Variants in BRINP1 observed in about 807,000 individuals in gnomAD.
BRINP1 encodes the protein BMP/retinoic acid-inducible neural-specific protein 1.
A neutral mutation model predicts 72.9 loss-of-function variants in BRINP1; 17 were observed. The observed-to-expected ratio is 0.23, with a 90% CI of 0.16 to 0.35. BRINP1 has a LOEUF of 0.35. Ranked by LOEUF, BRINP1 falls within the 10% of genes least tolerant of loss-of-function variation. The pLI, the probability that BRINP1 is intolerant of heterozygous loss-of-function variation, is 1.00. For missense variants in BRINP1, 850 were observed against 1,001.6 expected (o/e 0.85, Z 2.04); for synonymous variants, 418 against 378.5 (o/e 1.10, Z -1.21).
intron 6 of BRINP1, 30 bp downstream of exon 6, chr9:119,213,889 C>A (rs1829952833): frequency 6.3e-7 from 1 of 1,576,598 alleles, no homozygotes; most frequent in Non-Finnish European, 8.7e-7. Flanking sequence ...CAAGGCCACT[C>A]ATGCAGTGGC....
chr9:119,295,530 C>T (rs1830866815), intron 2 of BRINP1, among the ~76,000 whole-genome samples: 2 of 152,144 alleles, frequency 1.3e-5, no homozygotes, highest in African/African-American at 4.8e-5. Context: ...TCAAATATAT[C>T]TGAACATAGA....
rs375384594 is a variant in BRINP1 at position 119,319,423 on chromosome 9, A to C, written c.-50-6018T>G. Among the ~76,000 whole-genome samples, 18 of 152,336 alleles carry C rather than the reference A, an allele frequency of 1.2e-4. No individual in the cohort carries two copies. In the East Asian group the frequency reaches 2.7e-3, roughly 23 times the overall value. On this transcript the variant is annotated intron_variant, in intron 1 of 7. Transcript: ENST00000265922. ...ACCAGAAATGAAAATGAAAGTTTCT[A>C]TAGAGTCCTTGACTTTATTAATGGA... is the stretch of plus-strand genomic sequence containing the variant.
intron 6 of BRINP1, among the ~76,000 whole-genome samples, chr9:119,211,666 G>C (rs1300755037): frequency 6.6e-6 from 1 of 152,166 alleles, no homozygotes; most frequent in Admixed American, 6.5e-5. Flanking sequence ...AAATCACCTG[G>C]GCTGAGTAGC....
intron 1 of BRINP1, among the ~76,000 whole-genome samples, chr9:119,315,716 T>G (rs183759302): frequency 1.9e-3 from 287 of 152,300 alleles, no homozygotes; most frequent in Non-Finnish European, 2.4e-3. Context: ...AAAAGTCCTT[T>G]AAGGAAATTA....
In BRINP1 at chr9:119,238,015, C is replaced by G. The variant is rs1199196142; in HGVS notation, c.685+640G>C. Among the ~76,000 whole-genome samples the G allele has an allele frequency of 2.0e-5, 3 of 152,066 alleles. No homozygotes were observed. The East Asian group carries it at 5.8e-4, about 29-fold the overall frequency. ...TCATGCCACCCATTCCATCAGAAACCTTTTATTTATTAACATTATATCACA... is the reference window on the plus strand; with the variant it reads ...TCATGCCACCCATTCCATCAGAAACGTTTTATTTATTAACATTATATCACA... On this transcript the variant is annotated intron_variant, in intron 5 of 7. Coordinates refer to ENST00000265922, the MANE Select transcript of BRINP1 (RefSeq NM_014618.3).
At chr9:119,260,801 T>C (rs1280516941) in intron 2 of BRINP1, among the ~76,000 whole-genome samples, 43 of 152,162 alleles carry the variant, frequency 2.8e-4, no homozygotes, top group Non-Finnish European at 1.2e-4. Context: ...TGATTTAGTA[T>C]ACTCAATGAT....
intron 7 of BRINP1, among the ~76,000 whole-genome samples, chr9:119,201,919 C>G (rs1829809098): frequency 6.6e-6 from 1 of 152,124 alleles, no homozygotes; most frequent in African/African-American, 2.4e-5. Context: ...CCTCTCTCTT[C>G]TTTTTTTCCT....
At chr9:119,179,737 A>T (rs1829532029) in intron 7 of BRINP1, among the ~76,000 whole-genome samples, 1 of 152,116 alleles carries the variant, frequency 6.6e-6, no homozygotes, top group Non-Finnish European at 1.5e-5. Context: ...AGCAGAGCAA[A>T]GTTCAGAATT....
chr9:119,317,574 T>C (rs1339864808), intron 1 of BRINP1, among the ~76,000 whole-genome samples: 1 of 152,214 alleles, frequency 6.6e-6, no homozygotes, highest in Non-Finnish European at 1.5e-5. Context: ...ACTTAGTTGA[T>C]AAAACAGTGG....
At chr9:119,275,913 G>T (rs1830652815) in intron 2 of BRINP1, among the ~76,000 whole-genome samples, 1 of 152,060 alleles carries the variant, frequency 6.6e-6, no homozygotes. Flanking sequence ...TCCTCCCTCT[G>T]TCCTCCCCAT....
intron 2 of BRINP1, among the ~76,000 whole-genome samples, chr9:119,260,844 A>T (rs954112251): frequency 1.3e-5 from 2 of 152,202 alleles, no homozygotes; most frequent in African/African-American, 4.8e-5. Context: ...GGTCGTCTAA[A>T]GTATTCTTAG....
chr9:119,299,273 T>C (rs1385935569), intron 2 of BRINP1, among the ~76,000 whole-genome samples: 2 of 152,222 alleles, frequency 1.3e-5, no homozygotes, highest in Non-Finnish European at 2.9e-5. Context: ...ACCGCCATTC[T>C]ACTCTTTGCT....
chr9:119,227,991 T>C (rs916303218), intron 5 of BRINP1, among the ~76,000 whole-genome samples: 5 of 152,032 alleles, frequency 3.3e-5, no homozygotes, highest in Non-Finnish European at 7.4e-5. Flanking sequence ...ACACTTTCTT[T>C]TTCTACTATT....
At chr9:119,312,244 C>T (rs937830504) in intron 2 of BRINP1, among the ~76,000 whole-genome samples, 2 of 152,354 alleles carry the variant, frequency 1.3e-5, no homozygotes, top group Admixed American at 6.5e-5. Context: ...CACCTAACTA[C>T]ACCTGAGAGA....
At chr9:119,238,622 C>T in intron 5 of BRINP1, 33 bp downstream of exon 5, 5 of 1,396,452 alleles carry the variant, frequency 3.6e-6, no homozygotes, top group Non-Finnish European at 5.0e-6. Flanking sequence ...ATGTTTCCCC[C>T]AACTGACCCC....
At chr9:119,339,792 C>T (rs1472038732) in intron 1 of BRINP1, among the ~76,000 whole-genome samples, 1 of 152,208 alleles carries the variant, frequency 6.6e-6, no homozygotes, top group Non-Finnish European at 1.5e-5. Context: ...GGCTCTCCCA[C>T]TACAGCACAG....
chr9:119,253,288 A>T (rs1830412108), intron 2 of BRINP1, among the ~76,000 whole-genome samples: 2 of 152,244 alleles, frequency 1.3e-5, no homozygotes, highest in East Asian at 3.8e-4. Flanking sequence ...ATGGAAATAC[A>T]TATTAAAGAG....
chr9:119,225,911 C>A (rs1463550812), intron 5 of BRINP1, among the ~76,000 whole-genome samples: 1 of 151,874 alleles, frequency 6.6e-6, no homozygotes, highest in Non-Finnish European at 1.5e-5. Context: ...AAATAAGATT[C>A]AAAACAAATC....
At chr9:119,245,335 C>A (rs569339273) in intron 3 of BRINP1, among the ~76,000 whole-genome samples, 1 of 152,284 alleles carries the variant, frequency 6.6e-6, no homozygotes, top group Admixed American at 6.5e-5. Flanking sequence ...GAACATCTGT[C>A]TATACAGGTA....
Sources: allele counts gnomAD v4.1 joint callset (sites outside exome capture counted in the v4.1 genomes callset), GRCh38; gene constraint gnomAD v4.1.1; transcripts MANE v1.5; gene names NCBI Gene and HGNC (gene_info 2026-07-23, HGNC 2026-07-21).